Variants in SLC71A2 observed in about 807,000 individuals in gnomAD.
The protein encoded by SLC71A2 is solute carrier family 71 member 2.
the SLC71A2 span, among the ~76,000 whole-genome samples, chr9:94,377,105 AGT>A: frequency 2.0e-5 from 3 of 147,430 alleles, no homozygotes; most frequent in Non-Finnish European, 3.0e-5. Context: ...TGTTTTTCTG[AGT>A]GTGTGGACGT....
chr9:94,452,471 C>T, the SLC71A2 span, among the ~76,000 whole-genome samples: 3 of 151,918 alleles, frequency 2.0e-5, no homozygotes, highest in Non-Finnish European at 4.4e-5. Flanking sequence ...GTGGCATGTG[C>T]TTGTAATTCC....
At chr9:94,421,132 G>A in the SLC71A2 span, among the ~76,000 whole-genome samples, 1 of 131,948 alleles carries the variant, frequency 7.6e-6, no homozygotes, top group South Asian at 2.6e-4. Context: ...TTTGAGCTGT[G>A]TAGGAGTTTG....
chr9:94,395,757 T>C, the SLC71A2 span, among the ~76,000 whole-genome samples: 2 of 152,220 alleles, frequency 1.3e-5, no homozygotes, highest in Non-Finnish European at 2.9e-5. Context: ...TCTTAAATCA[T>C]GGAATTATTA....
chr9:94,427,349 A>G, the SLC71A2 span, among the ~76,000 whole-genome samples: 1 of 152,136 alleles, frequency 6.6e-6, no homozygotes, highest in Non-Finnish European at 1.5e-5. Flanking sequence ...GAACATTTTT[A>G]GAGGAATTGC....
the SLC71A2 span, among the ~76,000 whole-genome samples, chr9:94,448,578 AGTT>A: frequency 6.6e-6 from 1 of 152,182 alleles, no homozygotes; most frequent in Admixed American, 6.5e-5. Flanking sequence ...TCATTCTGAT[AGTT>A]TTCCTGAGGG....
At chr9:94,444,956 T>A in the SLC71A2 span, 3 of 1,613,104 alleles carry the variant, frequency 1.9e-6, no homozygotes, top group Non-Finnish European at 2.5e-6. Flanking sequence ...GAGTGTGCTT[T>A]CCCACAGGTC....
the SLC71A2 span, among the ~76,000 whole-genome samples, chr9:94,442,925 AAAC>A: frequency 6.6e-6 from 1 of 152,092 alleles, no homozygotes; most frequent in African/African-American, 2.4e-5. Context: ...GAAAAAACAA[AAAC>A]AAGAAGGTAG....
the SLC71A2 span, among the ~76,000 whole-genome samples, chr9:94,440,561 T>C: frequency 6.6e-6 from 1 of 152,126 alleles, no homozygotes; most frequent in East Asian, 1.9e-4. Context: ...TCACATGATA[T>C]AAATTTTTAG....
chr9:94,405,255 G>C, the SLC71A2 span, among the ~76,000 whole-genome samples: 1 of 152,058 alleles, frequency 6.6e-6, no homozygotes, highest in African/African-American at 2.4e-5. Flanking sequence ...CAGCACTTTG[G>C]AAGGCTGAGG....
chr9:94,457,912 G>T, the SLC71A2 span, among the ~76,000 whole-genome samples: 1 of 148,492 alleles, frequency 6.7e-6, no homozygotes, highest in Non-Finnish European at 1.5e-5. Context: ...AGGGAGATAG[G>T]CTGGAATACA....
At chr9:94,390,211 C>G in the SLC71A2 span, among the ~76,000 whole-genome samples, 2 of 151,658 alleles carry the variant, frequency 1.3e-5, no homozygotes, top group Non-Finnish European at 2.9e-5. Flanking sequence ...AAGACTCCAT[C>G]TCAAAGAAAA....
chr9:94,417,288 T>C, the SLC71A2 span, among the ~76,000 whole-genome samples: 1 of 152,194 alleles, frequency 6.6e-6, no homozygotes, highest in African/African-American at 2.4e-5. Context: ...TTATGTTGGG[T>C]ATCTGTGACC....
chr9:94,446,904 C>A, the SLC71A2 span: 1 of 1,608,832 alleles, frequency 6.2e-7, no homozygotes, highest in Non-Finnish European at 8.5e-7. Context: ...TGAAGCTGGA[C>A]AGTATTCAAG....
the SLC71A2 span, among the ~76,000 whole-genome samples, chr9:94,412,390 T>A: frequency 6.6e-6 from 1 of 152,238 alleles, no homozygotes; most frequent in Non-Finnish European, 1.5e-5. Flanking sequence ...ATGTGTATAT[T>A]CTTTGGCCCT....
the SLC71A2 span, among the ~76,000 whole-genome samples, chr9:94,403,190 G>A: frequency 1.3e-5 from 2 of 152,108 alleles, no homozygotes; most frequent in African/African-American, 4.8e-5. Context: ...AGGCTGGAGT[G>A]CAATGGCGCG....
the SLC71A2 span, chr9:94,446,900 T>A: frequency 6.2e-7 from 1 of 1,610,562 alleles, no homozygotes; most frequent in East Asian, 2.2e-5. Context: ...TTCCTGAAGC[T>A]GGACAGTATT....
At chr9:94,398,150 T>G in the SLC71A2 span, among the ~76,000 whole-genome samples, 1 of 151,600 alleles carries the variant, frequency 6.6e-6, no homozygotes, top group African/African-American at 2.4e-5. Flanking sequence ...AAATCCAATA[T>G]TGCTTTATTT....
chr9:94,418,811 C>T, the SLC71A2 span, among the ~76,000 whole-genome samples: 2 of 140,480 alleles, frequency 1.4e-5, no homozygotes, highest in South Asian at 4.4e-4. Context: ...CTAGGCTGGT[C>T]TCAAACTCCT....
At chr9:94,459,674 G>T in the SLC71A2 span, 72 of 386,468 alleles carry the variant, frequency 1.9e-4, no homozygotes, top group East Asian at 3.2e-3. Context: ...AACTCCCAAG[G>T]TGAAACTCAA....
Sources: allele counts gnomAD v4.1 joint callset (sites outside exome capture counted in the v4.1 genomes callset), GRCh38; gene constraint gnomAD v4.1.1; transcripts MANE v1.5; gene names NCBI Gene and HGNC (gene_info 2026-07-23, HGNC 2026-07-21).